The following CAST variants were observed in gnomAD, a reference collection of about 807,000 sequenced individuals.
CAST encodes the protein calpastatin.
Under a neutral mutation model 119.6 loss-of-function variants are expected in CAST, and 76 were observed. That is an observed-to-expected ratio of 0.64 (90% CI 0.53 to 0.77). CAST has a LOEUF of 0.77. Among genes scored for constraint, CAST ranks in the 30% least tolerant of loss-of-function variants. The probability of loss-of-function intolerance (pLI) is 0.00; values close to 1 mark genes in which losing one functional copy is unlikely to be tolerated. For missense variants in CAST, 953 were observed against 946.5 expected, an observed-to-expected ratio of 1.01 and a Z score of -0.09; for synonymous variants, 319 against 331.6, an observed-to-expected ratio of 0.96 and a Z score of 0.41.
At chr5:96,118,749 G>T in the CAST span, among the ~76,000 whole-genome samples, 3 of 151,926 alleles carry the variant, frequency 2.0e-5, no homozygotes, top group African/African-American at 7.2e-5. Flanking sequence ...GAAGGTTGGG[G>T]CTGGGGAAAT....
At chr5:96,039,557 T>G in the CAST span, among the ~76,000 whole-genome samples, 1 of 152,166 alleles carries the variant, frequency 6.6e-6, no homozygotes, top group Non-Finnish European at 1.5e-5. Context: ...GCATAAGGTG[T>G]GAGGAAGGGG....
the CAST span, among the ~76,000 whole-genome samples, chr5:96,367,613 C>A: frequency 6.6e-6 from 1 of 152,106 alleles, no homozygotes; most frequent in Non-Finnish European, 1.5e-5. Flanking sequence ...GGGTGTGGGA[C>A]CCTCCGTGCC....
the CAST span, chr5:96,425,756 A>T: frequency 1.1e-6 from 1 of 881,086 alleles, no homozygotes. Context: ...CATGTTGCAA[A>T]TGTAACAACA....
chr5:96,768,697 ACT>A (rs1173937590), intron 29 of CAST, among the ~76,000 whole-genome samples: 1 of 152,046 alleles, frequency 6.6e-6, no homozygotes, highest in African/African-American at 2.4e-5. Context: ...TACATCAGGC[ACT>A]CTCATGCTCA....
the CAST span, among the ~76,000 whole-genome samples, chr5:96,353,305 G>A: frequency 6.6e-6 from 1 of 152,132 alleles, no homozygotes; most frequent in East Asian, 1.9e-4. Context: ...CTCCAGACTT[G>A]TGTATATAAT....
At chr5:96,263,527 G>A in the CAST span, among the ~76,000 whole-genome samples, 5 of 151,976 alleles carry the variant, frequency 3.3e-5, no homozygotes, top group African/African-American at 1.2e-4. Flanking sequence ...AGAATTTTTG[G>A]TGCCAGCCTC....
the CAST span, among the ~76,000 whole-genome samples, chr5:96,024,266 A>G: frequency 2.0e-5 from 3 of 152,194 alleles, no homozygotes; most frequent in African/African-American, 7.2e-5. Flanking sequence ...TTATTTACCT[A>G]TGGCTAAAAA....
the CAST span, among the ~76,000 whole-genome samples, chr5:96,018,760 A>G: frequency 1.3e-5 from 2 of 152,214 alleles, no homozygotes; most frequent in South Asian, 2.1e-4. Context: ...AATTCCTTGT[A>G]GTAAAGTACT....
chr5:96,556,573 G>T (rs531766383), intron 1 of CAST, among the ~76,000 whole-genome samples: 1 of 152,128 alleles, frequency 6.6e-6, no homozygotes, highest in South Asian at 2.1e-4. Context: ...CACAAGCCTC[G>T]GTAGCCTATT....
chr5:96,440,139 C>T, the CAST span, among the ~76,000 whole-genome samples: 1 of 149,888 alleles, frequency 6.7e-6, no homozygotes, highest in Admixed American at 6.6e-5. Context: ...GACACTGAGA[C>T]AAAGTATGAA....
intron 1 of CAST, among the ~76,000 whole-genome samples, chr5:96,579,798 A>T (rs1002421496): frequency 6.6e-6 from 1 of 152,254 alleles, no homozygotes; most frequent in South Asian, 2.1e-4. Flanking sequence ...ACAGAGGTTC[A>T]GTATACTTTT....
chr5:96,086,489 T>G, the CAST span, among the ~76,000 whole-genome samples: 1 of 152,362 alleles, frequency 6.6e-6, no homozygotes, highest in Non-Finnish European at 1.5e-5. Flanking sequence ...GTGCATTGCA[T>G]GTATCTCTAT....
chr5:96,567,230 C>T (rs1387118068), intron 1 of CAST, among the ~76,000 whole-genome samples: 3 of 152,184 alleles, frequency 2.0e-5, no homozygotes, highest in Non-Finnish European at 4.4e-5. Context: ...TCTTAATTTA[C>T]TGCTTTCTGC....
the CAST span, among the ~76,000 whole-genome samples, chr5:96,479,450 C>CTTTTTTTTTT: frequency 2.6e-5 from 3 of 115,298 alleles, no homozygotes; most frequent in Non-Finnish European, 3.7e-5. Flanking sequence ...CCAGGCACTC[C>CTTTTTTTTTT]TTATTTTTTT....
the CAST span, among the ~76,000 whole-genome samples, chr5:96,480,277 A>T: frequency 6.6e-6 from 1 of 152,148 alleles, no homozygotes; most frequent in African/African-American, 2.4e-5. Context: ...TGGGAACAGG[A>T]AGAGTAGAAT....
At chr5:96,414,007 C>T in the CAST span, among the ~76,000 whole-genome samples, 118 of 142,806 alleles carry the variant, frequency 8.3e-4, no homozygotes, top group African/African-American at 2.8e-3. Context: ...GGCGTAGTGG[C>T]GGGTTCCTGT....
At chr5:96,499,828 C>T in the CAST span, among the ~76,000 whole-genome samples, 1 of 152,174 alleles carries the variant, frequency 6.6e-6, no homozygotes, top group Non-Finnish European at 1.5e-5. Flanking sequence ...GCTTTCGGCC[C>T]ATCTCAGCTT....
the CAST span, chr5:96,425,973 T>A: frequency 9.6e-7 from 1 of 1,041,460 alleles, no homozygotes. Context: ...GTCAAATATC[T>A]ACCTCTGTAT....
intron 1 of CAST, among the ~76,000 whole-genome samples, chr5:96,612,746 CT>C (rs1747386419): frequency 6.6e-6 from 1 of 152,154 alleles, no homozygotes; most frequent in African/African-American, 2.4e-5. Context: ...AAAAATTCTT[CT>C]GCATTTTCCT....
Sources: gnomAD v4.1 joint callset for allele counts (sites outside exome capture counted in the v4.1 genomes callset) on GRCh38, gnomAD v4.1.1 for gene constraint, MANE v1.5 for transcripts, NCBI Gene and HGNC (gene_info 2026-07-23, HGNC 2026-07-21) for gene names.